The following SPOCK3 variants were observed in gnomAD, a reference collection of about 807,000 sequenced individuals.
SPOCK3 encodes the protein SPARC (osteonectin), cwcv and kazal like domains proteoglycan 3.
In SPOCK3, 30 loss-of-function variants were observed where a neutral mutation model predicts 56.6. That is an observed-to-expected ratio of 0.53 (90% CI 0.40 to 0.72). SPOCK3 has a LOEUF of 0.72. Among genes scored for constraint, SPOCK3 ranks in the 30% least tolerant of loss-of-function variants. The pLI, the probability that SPOCK3 is intolerant of heterozygous loss-of-function variation, is 0.00. For synonymous variants in SPOCK3, 196 were observed against 183.3 expected, an observed-to-expected ratio of 1.07 and a Z score of -0.56; for missense variants, 527 against 530.0, an observed-to-expected ratio of 0.99 and a Z score of 0.06.
At chr4:167,062,628 A>G (rs1755723552) in intron 2 of SPOCK3, 91 bp from the exon 3 acceptor site, 1 of 956,156 alleles carries the variant, frequency 1.0e-6, no homozygotes, top group African/African-American at 1.6e-5. Flanking sequence ...GAAACACAGA[A>G]GCTGTATACA....
chr4:166,744,382 C>A (rs7679195), intron 8 of SPOCK3, among the ~76,000 whole-genome samples: 119,920 of 151,842 alleles, frequency 0.79, 47,600 homozygotes, highest in South Asian at 0.82. Context: ...ACAAACCTGC[C>A]TCTGAGGGTC....
At chr4:166,973,081 T>C (rs915745768) in intron 4 of SPOCK3, among the ~76,000 whole-genome samples, 3 of 152,048 alleles carry the variant, frequency 2.0e-5, no homozygotes, top group African/African-American at 4.8e-5. Context: ...TGGGAGGTGA[T>C]TGGATCATGG....
rs1204428295 is a variant in SPOCK3 at position 166,735,021 on chromosome 4, T to C, written c.1202A>G (p.Asp401Gly). 1 of 1,576,688 alleles carries C rather than the reference T, an allele frequency of 6.3e-7. No individual in the cohort carries two copies. The highest frequency in any genetic ancestry group is 8.7e-7 in the Non-Finnish European group (1 of 1,146,858). Reference protein sequence around the residue: ...DFHEWTDDEDDEDDIMNDEDE... With the variant: ...DFHEWTDDEDGEDDIMNDEDE... ...TTCATCATTCATAATATCGTCTTCA[T>C]CATCCTCATCATCAGTCCATTCATG... Residue 401 changes from aspartate to glycine, a missense_variant, in exon 11 of 11, where the codon GAT becomes GGT. Coordinates refer to ENST00000357545, the MANE Select transcript of SPOCK3 (RefSeq NM_001040159.2).
intron 3 of SPOCK3, among the ~76,000 whole-genome samples, chr4:167,038,448 T>C (rs1752956527): frequency 6.6e-6 from 1 of 152,118 alleles, no homozygotes; most frequent in Non-Finnish European, 1.5e-5. Context: ...ATTTTCTAGC[T>C]AATCTTGAAA....
intron 3 of SPOCK3, among the ~76,000 whole-genome samples, chr4:167,062,135 ATT>A (rs1163650162): frequency 6.6e-6 from 1 of 151,822 alleles, no homozygotes; most frequent in East Asian, 1.9e-4. Flanking sequence ...AAAAAAAGCC[ATT>A]TGTTTTAAAA....
chr4:166,903,688 G>A (rs1736314021), intron 5 of SPOCK3, among the ~76,000 whole-genome samples: 1 of 151,844 alleles, frequency 6.6e-6, no homozygotes, highest in Non-Finnish European at 1.5e-5. Flanking sequence ...CTGTGTTAGT[G>A]TTGTTACCTT....
intron 6 of SPOCK3, among the ~76,000 whole-genome samples, chr4:166,873,660 A>C (rs888959572): frequency 6.6e-6 from 1 of 151,640 alleles, no homozygotes; most frequent in African/African-American, 2.4e-5. Flanking sequence ...AGTGTAGATA[A>C]ATTCTGATGT....
intron 2 of SPOCK3, among the ~76,000 whole-genome samples, chr4:167,220,676 C>A (rs1461186500): frequency 1.3e-5 from 2 of 151,922 alleles, no homozygotes; most frequent in Non-Finnish European, 2.9e-5. Context: ...CGTGAGCCAT[C>A]CCACCCAGCC....
chr4:167,056,707 G>T (rs1754918282), intron 3 of SPOCK3, among the ~76,000 whole-genome samples: 1 of 152,172 alleles, frequency 6.6e-6, no homozygotes, highest in Non-Finnish European at 1.5e-5. Context: ...TGAAATGAAT[G>T]AAATGAAGCG....
chr4:166,826,520 TC>T, intron 6 of SPOCK3, among the ~76,000 whole-genome samples: 1 of 152,264 alleles, frequency 6.6e-6, no homozygotes. Flanking sequence ...AACTAGTTGT[TC>T]TGACTCCACA....
At chr4:167,091,093 A>T (rs1758662324) in intron 2 of SPOCK3, among the ~76,000 whole-genome samples, 1 of 152,194 alleles carries the variant, frequency 6.6e-6, no homozygotes. Context: ...TAAGTACAAC[A>T]GAAACATCAT....
intron 2 of SPOCK3, 117 bp from the exon 3 acceptor site, chr4:167,062,654 C>T: frequency 1.5e-6 from 1 of 659,876 alleles, no homozygotes; most frequent in Non-Finnish European, 2.7e-6. Flanking sequence ...CTACTTCCTG[C>T]AATGGCAAGC....
intron 6 of SPOCK3, among the ~76,000 whole-genome samples, chr4:166,830,539 G>T (rs1394126356): frequency 6.6e-6 from 1 of 152,090 alleles, no homozygotes; most frequent in African/African-American, 2.4e-5. Context: ...GAGGCCAGGA[G>T]TTCAACACCA....
At position 167,062,730 on chromosome 4, in the gene SPOCK3, A is replaced by G. The variant is rs1580172975; in HGVS notation, c.190-193T>C. On this transcript the variant is annotated intron_variant, in intron 2 of 10. Coordinates refer to ENST00000357545, the MANE Select transcript of SPOCK3 (RefSeq NM_001040159.2). ...AAGAGAAAAAGAATAGTTATCAAAAAGGAACACACTGTTTTCAAGTTACAG... is the reference window on the plus strand; with the variant it reads ...AAGAGAAAAAGAATAGTTATCAAAAGGGAACACACTGTTTTCAAGTTACAG... 30 of 539,466 alleles carry G rather than the reference A, an allele frequency of 5.6e-5. No homozygotes were observed. In the East Asian group the frequency reaches 9.0e-4, roughly 16 times the overall value. 33.4% of individuals were successfully genotyped at this position (539,466 alleles called of 1,614,324 possible).
intron 2 of SPOCK3, among the ~76,000 whole-genome samples, chr4:167,072,728 A>G (rs970020598): frequency 1.3e-5 from 2 of 151,932 alleles, no homozygotes; most frequent in Non-Finnish European, 1.5e-5. Flanking sequence ...GACAATCTAC[A>G]GATGAATTTA....
At chr4:167,157,056 G>T (rs1469261839) in intron 2 of SPOCK3, among the ~76,000 whole-genome samples, 1 of 152,028 alleles carries the variant, frequency 6.6e-6, no homozygotes, top group Non-Finnish European at 1.5e-5. Context: ...GGGAGGGGTA[G>T]TGGAAGTACA....
intron 4 of SPOCK3, among the ~76,000 whole-genome samples, chr4:166,993,492 C>T (rs1015896476): frequency 1.3e-5 from 2 of 152,130 alleles, no homozygotes; most frequent in African/African-American, 4.8e-5. Context: ...TATGCCCACC[C>T]TCATGCTATT....
intron 7 of SPOCK3, among the ~76,000 whole-genome samples, chr4:166,764,645 A>T (rs539729885): frequency 2.0e-5 from 3 of 152,290 alleles, no homozygotes; most frequent in Admixed American, 1.3e-4. Flanking sequence ...TGCTGCAATA[A>T]ACATACATGT....
chr4:167,001,703 T>C (rs1748968263), intron 3 of SPOCK3, among the ~76,000 whole-genome samples: 1 of 152,068 alleles, frequency 6.6e-6, no homozygotes, highest in African/African-American at 2.4e-5. Context: ...ATTTGGTACA[T>C]GCCAAAAGTG....
Sources: allele counts gnomAD v4.1 joint callset (sites outside exome capture counted in the v4.1 genomes callset), GRCh38; gene constraint gnomAD v4.1.1; transcripts MANE v1.5; gene names NCBI Gene and HGNC (gene_info 2026-07-23, HGNC 2026-07-21).